Variants in WDR25 observed in about 807,000 individuals in gnomAD.
WDR25 encodes the protein WD repeat domain 25.
Under a neutral mutation model 47.7 loss-of-function variants are expected in WDR25, and 35 were observed. The observed-to-expected ratio is 0.73, with a 90% CI of 0.56 to 0.97. WDR25 has a LOEUF of 0.97. Ranked by LOEUF, WDR25 falls within the 50% of genes least tolerant of loss-of-function variation. The pLI is 0.00. For synonymous variants in WDR25, 248 were observed against 278.9 expected (o/e 0.89, Z 1.10); for missense variants, 634 against 704.7 (o/e 0.90, Z 1.14).
chr14:100,414,903 CAA>C (rs35444675), intron 2 of WDR25, among the ~76,000 whole-genome samples: 58 of 113,502 alleles, frequency 5.1e-4, no homozygotes, highest in African/African-American at 6.5e-4. Context: ...GACTCCATCT[CAA>C]AAAAAAAAAA....
chr14:100,522,855 C>T (rs147651340), intron 4 of WDR25, among the ~76,000 whole-genome samples: 3 of 152,330 alleles, frequency 2.0e-5, no homozygotes, highest in African/African-American at 7.2e-5. Flanking sequence ...AGGAGAGGCC[C>T]CACCCACCTC....
intron 2 of WDR25, among the ~76,000 whole-genome samples, chr14:100,412,788 C>A (rs974355137): frequency 6.6e-6 from 1 of 152,090 alleles, no homozygotes; most frequent in African/African-American, 2.4e-5. Context: ...ACACAATAAG[C>A]CTTAAGGTTT....
intron 1 of WDR25, among the ~76,000 whole-genome samples, chr14:100,379,379 T>C (rs1049773794): frequency 6.8e-6 from 1 of 147,150 alleles, no homozygotes; most frequent in African/African-American, 2.5e-5. Context: ...CTTCAGGTCT[T>C]CTTTTTTTTT....
At chr14:100,423,772 A>T (rs941861905) in intron 2 of WDR25, among the ~76,000 whole-genome samples, 1 of 152,186 alleles carries the variant, frequency 6.6e-6, no homozygotes, top group African/African-American at 2.4e-5. Flanking sequence ...CTGTGTTGAG[A>T]ACCAGAGCCT....
intron 3 of WDR25, among the ~76,000 whole-genome samples, chr14:100,482,427 T>C (rs916006796): frequency 2.0e-5 from 3 of 152,344 alleles, no homozygotes; most frequent in African/African-American, 7.2e-5. Flanking sequence ...AAGAGTTCTA[T>C]TTTTGGTTTT....
intron 4 of WDR25, among the ~76,000 whole-genome samples, chr14:100,501,324 G>A (rs1461114869): frequency 1.3e-5 from 2 of 152,130 alleles, no homozygotes; most frequent in African/African-American, 4.8e-5. Flanking sequence ...CCATCTTGAT[G>A]TCTTCAGATG....
Position 100,499,500 on chromosome 14 carries a change from A to G in WDR25, c.1101+15376A>G, listed in dbSNP as rs1900843707. ...AAACCACTGCCTGCTTCCTTCCAGA[A>G]GTGGAAGTGCCAGCTAACCCTGAAG... On this transcript the variant is annotated intron_variant, in intron 4 of 6. Coordinates refer to ENST00000402312, the MANE Select transcript of WDR25 (RefSeq NM_001161476.3). The surrounding 1 kb of genome is among the most constrained non-coding windows in gnomAD (Gnocchi z 4.4). Among the ~76,000 whole-genome samples, 2 of 152,178 alleles carry G rather than the reference A, an allele frequency of 1.3e-5. No individual in the cohort carries two copies. Among genetic ancestry groups the G allele is most frequent in the Admixed American group, 6.5e-5 (1 of 15,282 alleles).
chr14:100,498,557 A>G lies in WDR25; in HGVS notation c.1101+14433A>G, dbSNP rs1032144124. 6.6e-6 allele frequency among the ~76,000 whole-genome samples: 1 copy of G among 152,190 alleles called. No homozygotes were observed. Among genetic ancestry groups the G allele is most frequent in the African/African-American group, 2.4e-5 (1 of 41,430 alleles). ...CTTCCTAGTTTAGAGGATTCAGAGA[A>G]GCTGCAGGAAATGTCTCTTGCCCTG... On this transcript the variant is annotated intron_variant, in intron 4 of 6. Coordinates refer to ENST00000402312, the MANE Select transcript of WDR25 (RefSeq NM_001161476.3). This position sits in a 1 kb window ranked among gnomAD's most constrained non-coding sequence, Gnocchi z 4.2.
At chr14:100,386,526 A>T (rs911332492) in intron 2 of WDR25, among the ~76,000 whole-genome samples, 1 of 152,226 alleles carries the variant, frequency 6.6e-6, no homozygotes, top group Non-Finnish European at 1.5e-5. Flanking sequence ...GCTTTTGTTT[A>T]AAAAATAATC....
intron 2 of WDR25, among the ~76,000 whole-genome samples, chr14:100,456,164 T>C (rs1566918338): frequency 6.6e-6 from 1 of 152,040 alleles, no homozygotes; most frequent in Non-Finnish European, 1.5e-5. Context: ...TCAAGACCAG[T>C]CTGGGCAATG....
chr14:100,379,589 T>C (rs1024146625), intron 1 of WDR25, among the ~76,000 whole-genome samples: 1 of 151,868 alleles, frequency 6.6e-6, no homozygotes, highest in Non-Finnish European at 1.5e-5. Flanking sequence ...GGCTTTGCCA[T>C]ATTGGTCAGA....
At chr14:100,464,753 CTCATCTCATCTCATCTCATCTCATCTCA>C in intron 2 of WDR25, among the ~76,000 whole-genome samples, 1 of 13,126 alleles carries the variant, frequency 7.6e-5, no homozygotes, top group African/African-American at 5.3e-4. Context: ...CTCATCTCAT[CTCATCTCATCTCATCTCATCTCATCTCA>C]TCTCATCTCA....
At chr14:100,458,814 CAGAT>C (rs1370062137) in intron 2 of WDR25, among the ~76,000 whole-genome samples, 3 of 151,968 alleles carry the variant, frequency 2.0e-5, no homozygotes, top group African/African-American at 4.8e-5. Context: ...AATGAAGAAA[CAGAT>C]AGAGACATTA....
At chr14:100,400,966 T>C (rs1476599277) in intron 2 of WDR25, among the ~76,000 whole-genome samples, 1 of 152,204 alleles carries the variant, frequency 6.6e-6, no homozygotes, top group African/African-American at 2.4e-5. Context: ...TAAATCTCTG[T>C]GGGATCTTTG....
intron 4 of WDR25, among the ~76,000 whole-genome samples, chr14:100,494,456 A>G (rs561638848): frequency 2.9e-4 from 44 of 152,292 alleles, no homozygotes; most frequent in Admixed American, 5.9e-4. Context: ...TCTTCAAGCT[A>G]TGTTTTTTGC....
rs569782994 is a variant in WDR25 at position 100,494,283 on chromosome 14, T to C, written c.1101+10159T>C. On this transcript the variant is annotated intron_variant, in intron 4 of 6. Transcript: ENST00000402312. ...TGATCTCAAGCAGTTATTTTTGGTC[T>C]TTTCTTAGAATTTCTATCTGTTTGC... is the stretch of plus-strand genomic sequence containing the variant. 9.2e-5 allele frequency among the ~76,000 whole-genome samples: 14 copies of C among 152,372 alleles called. No homozygotes were observed. In the South Asian group the frequency reaches 1.9e-3, roughly 20 times the overall value.
intron 3 of WDR25, among the ~76,000 whole-genome samples, chr14:100,477,892 C>G (rs1900070213): frequency 6.6e-6 from 1 of 152,088 alleles, no homozygotes; most frequent in South Asian, 2.1e-4. Context: ...GAGATTGAGA[C>G]CATCCTGGCT....
intron 2 of WDR25, among the ~76,000 whole-genome samples, chr14:100,401,976 G>A (rs1334428339): frequency 1.3e-5 from 2 of 152,248 alleles, no homozygotes; most frequent in Non-Finnish European, 2.9e-5. Flanking sequence ...TGATGAAGGA[G>A]TAGGAAGTGC....
Position 100,488,492 on chromosome 14 carries a change from A to G in WDR25, c.1101+4368A>G, listed in dbSNP as rs7492867. Among the ~76,000 whole-genome samples, 3,812 of 152,136 alleles carry G rather than the reference A, an allele frequency of 0.025. 164 individuals are homozygous for G. The highest frequency in any genetic ancestry group is 0.077 in the African/African-American group (3,190 of 41,492). On this transcript the variant is annotated intron_variant, in intron 4 of 6. Coordinates refer to ENST00000402312, the MANE Select transcript of WDR25 (RefSeq NM_001161476.3). The surrounding 1 kb of genome is among the most constrained non-coding windows in gnomAD (Gnocchi z 4.2). ...CTGGGTGATTTCGGCCACATTCCTT[A>G]AGCAAAAGCCTCTCTGATTCACAAT...
Sources: gnomAD v4.1 joint callset for allele counts (sites outside exome capture counted in the v4.1 genomes callset) on GRCh38, gnomAD v4.1.1 for gene constraint, Gnocchi (gnomAD v3.1) non-coding constraint, MANE v1.5 for transcripts, NCBI Gene and HGNC (gene_info 2026-07-23, HGNC 2026-07-21) for gene names.